Variants in GORASP2 observed in about 807,000 individuals in gnomAD.
GORASP2 encodes golgi reassembly stacking protein 2.
GORASP2 carries 22 observed loss-of-function variants against 45.7 expected under a neutral mutation model. That is an observed-to-expected ratio of 0.48 (90% CI 0.34 to 0.69). The LOEUF is 0.69. Ranked by LOEUF, GORASP2 falls within the 30% of genes least tolerant of loss-of-function variation. The probability of loss-of-function intolerance (pLI) is 0.01; values close to 1 mark genes in which losing one functional copy is unlikely to be tolerated. For synonymous variants in GORASP2, 221 were observed against 215.6 expected, an observed-to-expected ratio of 1.02 and a Z score of -0.22; for missense variants, 491 against 562.7, an observed-to-expected ratio of 0.87 and a Z score of 1.29.
chr2:170,936,180 G>C (rs1276868215), intron 1 of GORASP2, among the ~76,000 whole-genome samples: 1 of 147,876 alleles, frequency 6.8e-6, no homozygotes, highest in Non-Finnish European at 1.5e-5. Context: ...AAATACTAAT[G>C]TAAACTAGGA....
intron 1 of GORASP2, chr2:170,929,720 T>C: frequency 1.7e-6 from 1 of 580,508 alleles, no homozygotes. Flanking sequence ...TTCTCTCTCC[T>C]CCACCCCCCC....
At chr2:170,936,641 T>C (rs1703963660) in intron 1 of GORASP2, 4 of 1,300,456 alleles carry the variant, frequency 3.1e-6, no homozygotes, top group Non-Finnish European at 4.1e-6. Context: ...GAGAGAAGGC[T>C]CAAGCACATT....
chr2:170,931,393 A>G (rs1204269279), intron 1 of GORASP2, among the ~76,000 whole-genome samples: 1 of 152,240 alleles, frequency 6.6e-6, no homozygotes. Flanking sequence ...CTTAACATGT[A>G]AAAATGTCTT....
intron 1 of GORASP2, 151 bp from the exon 2 acceptor site, chr2:170,948,199 A>C: frequency 1.6e-6 from 1 of 616,044 alleles, no homozygotes; most frequent in East Asian, 3.1e-5. Context: ...GACGGGCATT[A>C]TCTGGGAGAG....
intron 1 of GORASP2, among the ~76,000 whole-genome samples, chr2:170,947,952 C>G (rs1334157431): frequency 6.6e-6 from 1 of 152,076 alleles, no homozygotes; most frequent in Admixed American, 6.6e-5. Flanking sequence ...GAAACCCTGT[C>G]TCTACAAAAA....
chr2:170,949,821 T>G, intron 3 of GORASP2, 79 bp downstream of exon 3: 1 of 1,223,662 alleles, frequency 8.2e-7, no homozygotes, highest in Middle Eastern at 1.9e-4. Context: ...TGTTTCTGGC[T>G]TAATAAGATT....
At chr2:170,951,485 T>C (rs1704297000) in intron 5 of GORASP2, 27 bp downstream of exon 5, 1 of 1,566,200 alleles carries the variant, frequency 6.4e-7, no homozygotes, top group Non-Finnish European at 8.7e-7. Flanking sequence ...GACTAAGTTA[T>C]GACTGCTTAA....
Position 170,954,676 on chromosome 2 carries a change from A to G in GORASP2, c.593A>G (p.Tyr198Cys). 6.2e-7 allele frequency: 1 copy of G among 1,613,576 alleles called. No homozygotes were observed. ...CTAGGATGTGGCATTGGATATGGTT[A>G]TTTGCATCGAATACCTACACGCCCA... ...GSLGCGIGYG[Y>C]LHRIPTRPFE... is the part of the protein sequence containing the mutation. The change falls in exon 6 of 10, where the codon TAT becomes TGT. Residue 198 changes from tyrosine to cysteine, a missense_variant. Physicochemically the swap from Tyr to Cys is radical, Grantham distance 194. This residue lies in a region of GORASP2 where 194 missense variants were observed against 270.4 expected (regional missense o/e 0.72). Coordinates refer to ENST00000234160, the MANE Select transcript of GORASP2 (RefSeq NM_015530.5).
rs1189793798 is a variant in GORASP2 at position 170,962,837 on chromosome 2, A to G, written c.911-2A>G. 3 of 1,600,156 alleles carry G rather than the reference A, an allele frequency of 1.9e-6. No individual in the cohort carries two copies. The highest frequency in any genetic ancestry group is 2.6e-6 in the Non-Finnish European group (3 of 1,167,532). On this transcript the variant is annotated splice_acceptor_variant, in intron 8 of 9. Transcript: ENST00000234160. LOFTEE classifies it high-confidence loss of function. The stretch of plus-strand genomic sequence containing the variant: ...TTTTTTTCTTTTCTGCCTTCTCTTC[A>G]GGTCTGATGCCTTTACCAGCAGGAC...
chr2:170,942,085 C>G (rs1363725954), intron 1 of GORASP2, among the ~76,000 whole-genome samples: 1 of 152,062 alleles, frequency 6.6e-6, no homozygotes, highest in Non-Finnish European at 1.5e-5. Context: ...ATTTGCATTT[C>G]CTTGATGACC....
chr2:170,929,288 T>G lies in GORASP2; in HGVS notation c.-53T>G. 1 of 1,297,684 alleles carries G rather than the reference T, an allele frequency of 7.7e-7. No homozygotes were observed. Among genetic ancestry groups the G allele is most frequent in the Non-Finnish European group, 9.9e-7 (1 of 1,012,858 alleles). 80.4% of individuals were successfully genotyped at this position (1,297,684 alleles called of 1,614,324 possible). A position where few individuals can be genotyped will look rare whatever the true frequency, so the allele number is the denominator to read the frequency against. ...CGGAGGATTAGAGCAGGCGGTGCGC[T>G]GGGGGCGGGAGCAGCGCGGAGCCCG... On this transcript the variant is annotated 5_prime_UTR_variant, in exon 1 of 10. Transcript: ENST00000234160.
rs935232039 is a variant in GORASP2, at chr2:170,966,677, C to T, written c.*547C>T. On this transcript the variant is annotated 3_prime_UTR_variant, in exon 10 of 10. Coordinates refer to ENST00000234160, the MANE Select transcript of GORASP2 (RefSeq NM_015530.5). ...TTGTGTTAAAGTTCTACAGCGCGCACTGTTAACTGAACGTCTTTTTCTTCA... is the reference window on the plus strand; with the variant it reads ...TTGTGTTAAAGTTCTACAGCGCGCATTGTTAACTGAACGTCTTTTTCTTCA... The T allele has an allele frequency of 6.3e-6, 1 of 158,414 alleles. No individual in the cohort carries two copies. Among genetic ancestry groups the T allele is most frequent in the Non-Finnish European group, 1.4e-5 (1 of 71,412 alleles). 9.8% of individuals were successfully genotyped at this position (158,414 alleles called of 1,614,324 possible). A position where few individuals can be genotyped will look rare whatever the true frequency, so the allele number is the denominator to read the frequency against.
intron 1 of GORASP2, among the ~76,000 whole-genome samples, chr2:170,932,033 C>T (rs571607170): frequency 1.3e-5 from 2 of 152,340 alleles, no homozygotes; most frequent in African/African-American, 4.8e-5. Flanking sequence ...CGAGACCAGC[C>T]TGACCAACAT....
intron 6 of GORASP2, among the ~76,000 whole-genome samples, chr2:170,955,604 C>T (rs540350181): frequency 1.3e-5 from 2 of 152,344 alleles, no homozygotes; most frequent in South Asian, 4.1e-4. Flanking sequence ...GTTTGGCCAT[C>T]TTCAGTTCTA....
intron 4 of GORASP2, among the ~76,000 whole-genome samples, chr2:170,950,502 GCA>G (rs775229090): frequency 6.6e-5 from 10 of 152,176 alleles, no homozygotes; most frequent in Non-Finnish European, 1.5e-4. Flanking sequence ...TGCGGCAATT[GCA>G]CAGATTTTAT....
chr2:170,949,347 A>G (rs761310756), intron 2 of GORASP2, among the ~76,000 whole-genome samples, 192 bp from the exon 3 acceptor site: 103 of 152,242 alleles, frequency 6.8e-4, no homozygotes, highest in Non-Finnish European at 3.1e-4. Context: ...GTCAGTTTCA[A>G]GTTGTTGCTA....
rs1170362415 is a variant in GORASP2, at chr2:170,929,317, C to T, written c.-24C>T. On this transcript the variant is annotated 5_prime_UTR_variant, in exon 1 of 10. Coordinates refer to ENST00000234160, the MANE Select transcript of GORASP2 (RefSeq NM_015530.5). The stretch of plus-strand genomic sequence containing the variant: ...GGCGGGAGCAGCGCGGAGCCCGGCT[C>T]GGCCACACCGATCGCCCGCCGCCAT... 1 of 1,353,166 alleles carries T rather than the reference C, an allele frequency of 7.4e-7. No homozygotes were observed. Among genetic ancestry groups the T allele is most frequent in the Non-Finnish European group, 9.5e-7 (1 of 1,054,784 alleles). The allele number at this position is 1,353,166 out of a possible 1,614,324, so 83.8% of individuals were successfully genotyped here. A position where few individuals can be genotyped will look rare whatever the true frequency, so the allele number is the denominator to read the frequency against.
chr2:170,943,046 GTT>G (rs1704112795), intron 1 of GORASP2, among the ~76,000 whole-genome samples: 2 of 152,196 alleles, frequency 1.3e-5, no homozygotes, highest in African/African-American at 4.8e-5. Context: ...ATGAGCAGAA[GTT>G]CTTAGTGTAG....
At chr2:170,957,511 G>T (rs1481530279) in intron 7 of GORASP2, among the ~76,000 whole-genome samples, 1 of 151,974 alleles carries the variant, frequency 6.6e-6, no homozygotes, top group Non-Finnish European at 1.5e-5. Context: ...CCTGACCTCA[G>T]GTGATCTGCC....
Sources: gnomAD v4.1 joint callset for allele counts (sites outside exome capture counted in the v4.1 genomes callset) on GRCh38, gnomAD v4.1.1 for gene constraint, gnomAD v4.1.1 regional missense constraint, MANE v1.5 for transcripts, NCBI Gene and HGNC (gene_info 2026-07-23, HGNC 2026-07-21) for gene names.